PRKN: variants seen among roughly 807,000 people sequenced by gnomAD.
PRKN encodes parkin RBR E3 ubiquitin protein ligase.
In PRKN, 56 loss-of-function variants were observed where a neutral mutation model predicts 59.5. The observed-to-expected ratio is 0.94, with a 90% CI of 0.76 to 1.18. The LOEUF is 1.18. PRKN is among the 50% of genes most tolerant of loss of function. PRKN has a pLI of 0.00. For synonymous variants in PRKN, 250 were observed against 222.1 expected (o/e 1.13, Z -1.12); for missense variants, 657 against 596.4 (o/e 1.10, Z -1.06).
In PRKN at chr6:161,882,468, A is replaced by G. The variant is rs555935267; in HGVS notation, c.734+90834T>C. 5.9e-5 allele frequency among the ~76,000 whole-genome samples: 9 copies of G among 152,222 alleles called. No individual in the cohort carries two copies. The South Asian group carries it at 1.0e-3, about 18-fold the overall frequency. ...TTCCCTCCGGGCCTTCCTGCAGGAA[A>G]GCAGCACTCCCACAATGAGCTCATC... On this transcript the variant is annotated intron_variant, in intron 6 of 11. Transcript: ENST00000366898.
intron 6 of PRKN, among the ~76,000 whole-genome samples, chr6:161,961,332 C>T (rs1186498945): frequency 2.0e-5 from 3 of 152,134 alleles, no homozygotes; most frequent in Admixed American, 1.3e-4. Context: ...TCAGCAGAAA[C>T]GGAAGCTACG....
At chr6:161,910,226 T>C (rs919297900) in intron 6 of PRKN, among the ~76,000 whole-genome samples, 10 of 152,272 alleles carry the variant, frequency 6.6e-5, no homozygotes, top group South Asian at 2.1e-4. Flanking sequence ...GCCGTGAACA[T>C]TGTTGGAATG....
chr6:161,534,707 T>G (rs1022727410), intron 9 of PRKN, among the ~76,000 whole-genome samples: 23 of 152,264 alleles, frequency 1.5e-4, no homozygotes, highest in Non-Finnish European at 1.5e-5. Flanking sequence ...ACATCACCTC[T>G]GTGTGCCTGT....
chr6:161,870,600 G>A (rs991191989), intron 6 of PRKN, among the ~76,000 whole-genome samples: 39 of 152,224 alleles, frequency 2.6e-4, no homozygotes, highest in African/African-American at 9.4e-4. Flanking sequence ...AATGTTTCAT[G>A]ATCAGAAGGC....
At chr6:162,647,727 C>T (rs1402112681) in intron 1 of PRKN, among the ~76,000 whole-genome samples, 4 of 151,872 alleles carry the variant, frequency 2.6e-5, no homozygotes, top group Admixed American at 6.6e-5. Context: ...TAATTCCTGC[C>T]ACTCACCAAG....
At chr6:162,377,425 T>C (rs1786176021) in intron 2 of PRKN, among the ~76,000 whole-genome samples, 1 of 152,202 alleles carries the variant, frequency 6.6e-6, no homozygotes. Flanking sequence ...CAGAGGCAGA[T>C]ATTCTTGGCT....
chr6:161,712,978 C>T (rs1009247705), intron 7 of PRKN, among the ~76,000 whole-genome samples: 1 of 152,038 alleles, frequency 6.6e-6, no homozygotes, highest in Non-Finnish European at 1.5e-5. Context: ...AGCATCAGAT[C>T]CCACAGATTG....
rs180950895 is a variant in PRKN at position 161,459,402 on chromosome 6, T to A, written c.1084-72525A>T. ...TGGTTTTAGTTTACTTTTGAGAAAGTCCAAGCTGTGCACATGTTGAAATAA... is the reference window on the plus strand; with the variant it reads ...TGGTTTTAGTTTACTTTTGAGAAAGACCAAGCTGTGCACATGTTGAAATAA... On this transcript the variant is annotated intron_variant, in intron 9 of 11. Transcript: ENST00000366898. This position sits in a 1 kb window ranked among gnomAD's most constrained non-coding sequence, Gnocchi z 4.8. Among the ~76,000 whole-genome samples the A allele has an allele frequency of 6.6e-6, 1 of 152,318 alleles. No homozygotes were observed. Among genetic ancestry groups the A allele is most frequent in the Admixed American group, 6.5e-5 (1 of 15,294 alleles).
At chr6:162,680,405 G>A (rs6925156) in intron 1 of PRKN, among the ~76,000 whole-genome samples, 124,835 of 151,186 alleles carry the variant, frequency 0.83, 51,798 homozygotes, top group East Asian at 0.98. Flanking sequence ...CTATATATAT[G>A]TACACACATA....
intron 6 of PRKN, among the ~76,000 whole-genome samples, chr6:161,909,754 C>T (rs1778285221): frequency 6.6e-6 from 1 of 152,120 alleles, no homozygotes; most frequent in African/African-American, 2.4e-5. Flanking sequence ...AAGAGATTTC[C>T]ACAAATAGTC....
At chr6:161,874,987 ACTTTAT>A (rs1477128307) in intron 6 of PRKN, among the ~76,000 whole-genome samples, 1 of 70,270 alleles carries the variant, frequency 1.4e-5, no homozygotes, top group Non-Finnish European at 2.4e-5. Flanking sequence ...TATATTATAT[ACTTTAT>A]ATATAATATA....
chr6:162,503,687 T>G (rs1793479543), intron 1 of PRKN, among the ~76,000 whole-genome samples: 1 of 152,152 alleles, frequency 6.6e-6, no homozygotes, highest in Non-Finnish European at 1.5e-5. Context: ...CCAATTATAT[T>G]TACCATTATC....
At chr6:162,184,942 C>G (rs183431474) in intron 4 of PRKN, among the ~76,000 whole-genome samples, 108 of 152,176 alleles carry the variant, frequency 7.1e-4, no homozygotes, top group African/African-American at 2.5e-3. Context: ...AACTCTTATA[C>G]ACAAAACTGT....
At chr6:161,555,003 A>C (rs1780182924) in intron 8 of PRKN, among the ~76,000 whole-genome samples, 3 of 152,154 alleles carry the variant, frequency 2.0e-5, no homozygotes, top group Admixed American at 6.5e-5. Flanking sequence ...TGTGTCAGGA[A>C]AGTTGTACTG....
intron 1 of PRKN, among the ~76,000 whole-genome samples, chr6:162,619,769 T>C (rs1419528103): frequency 6.6e-6 from 1 of 152,112 alleles, no homozygotes; most frequent in African/African-American, 2.4e-5. Context: ...CTGAAGCATG[T>C]TGAATAAATC....
At chr6:161,979,858 G>A (rs939460894) in intron 5 of PRKN, among the ~76,000 whole-genome samples, 1 of 152,114 alleles carries the variant, frequency 6.6e-6, no homozygotes, top group Non-Finnish European at 1.5e-5. Flanking sequence ...GCTCACTTAT[G>A]TCCCTTCACC....
intron 8 of PRKN, among the ~76,000 whole-genome samples, chr6:161,559,078 A>T: frequency 6.6e-6 from 1 of 151,436 alleles, no homozygotes; most frequent in African/African-American, 2.4e-5. Context: ...CAGTAAACAA[A>T]AAAAACAAGC....
In PRKN at chr6:162,702,505, T is replaced by C. The variant is rs75716383; in HGVS notation, c.7+25157A>G. Among the ~76,000 whole-genome samples, 579 of 152,282 alleles carry C rather than the reference T, an allele frequency of 3.8e-3. 4 individuals carry two copies. Among genetic ancestry groups the C allele is most frequent in the African/African-American group, 0.014 (562 of 41,572 alleles). On this transcript the variant is annotated intron_variant, in intron 1 of 11. Coordinates refer to ENST00000366898, the MANE Select transcript of PRKN (RefSeq NM_004562.3). ...CTCCCTCAGCCCTCCCTACCTACTA[T>C]CTTGATTCTGCAAACAGCAGAATAA...
At chr6:162,630,543 A>G (rs183601756) in intron 1 of PRKN, among the ~76,000 whole-genome samples, 40 of 152,292 alleles carry the variant, frequency 2.6e-4, no homozygotes, top group Non-Finnish European at 3.1e-4. Context: ...CATGACTTCT[A>G]TCTAGTGAAG....
Sources: gnomAD v4.1 joint callset for allele counts (sites outside exome capture counted in the v4.1 genomes callset) on GRCh38, gnomAD v4.1.1 for gene constraint, Gnocchi (gnomAD v3.1) non-coding constraint, MANE v1.5 for transcripts, NCBI Gene and HGNC (gene_info 2026-07-23, HGNC 2026-07-21) for gene names.